The following ABCB10 variants were observed in gnomAD, a reference collection of about 807,000 sequenced individuals.
ABCB10 encodes the protein ATP binding cassette subfamily B member 10, also known as ATP-binding cassette sub-family B member 10, mitochondrial.
A neutral mutation model predicts 65.4 loss-of-function variants in ABCB10; 54 were observed. That is an observed-to-expected ratio of 0.83 (90% CI 0.66 to 1.04). The LOEUF is 1.04. Among genes scored for constraint, ABCB10 ranks in the 50% least tolerant of loss-of-function variants. ABCB10 has a pLI of 0.00. For synonymous variants in ABCB10, 418 were observed against 406.5 expected, an observed-to-expected ratio of 1.03 and a Z score of -0.34; for missense variants, 846 against 976.6, an observed-to-expected ratio of 0.87 and a Z score of 1.78.
At chr1:229,555,709 T>G (rs1392108632) in intron 1 of ABCB10, among the ~76,000 whole-genome samples, 2 of 152,254 alleles carry the variant, frequency 1.3e-5, no homozygotes, top group Non-Finnish European at 2.9e-5. Context: ...CAGCTCAGCT[T>G]TTTTAGTGTT....
Position 229,558,143 on chromosome 1 carries a change from C to T in ABCB10, c.510G>A (p.Arg170=). ...LLGLAYPERR[R]LAAAVGFLTM... ...GGCCGGGGAGGACCCTACCTGCCAG[C>T]CTCCGGCGCTCAGGGTACGCCAGCC... The change falls in exon 1 of 13, where the codon AGG becomes AGA. Residue 170 remains arginine (R), a synonymous_variant. Transcript: ENST00000344517. 7.1e-7 allele frequency: 1 copy of T among 1,410,646 alleles called. No individual in the cohort carries two copies. The highest frequency in any genetic ancestry group is 9.2e-7 in the Non-Finnish European group (1 of 1,085,826). 87.4% of individuals were successfully genotyped at this position (1,410,646 alleles called of 1,614,324 possible).
At chr1:229,532,577 C>A (rs1033214222) in intron 6 of ABCB10, among the ~76,000 whole-genome samples, 1 of 150,598 alleles carries the variant, frequency 6.6e-6, no homozygotes, top group African/African-American at 2.4e-5. Context: ...CAATGTAATG[C>A]TATGTTTAAA....
In ABCB10 at chr1:229,516,939, G is replaced by A. The variant is rs1430577984; in HGVS notation, c.*1240C>T. 1.3e-5 allele frequency: 2 copies of A among 152,016 alleles called. No homozygotes were observed. Among genetic ancestry groups the A allele is most frequent in the East Asian group, 3.8e-4 (2 of 5,200 alleles). The allele number at this position is 152,016 out of a possible 1,614,324, so 9.4% of individuals were successfully genotyped here. Reference sequence around the variant, plus strand: ...GGTTTCTTCTTCCAGTCTAATCAGGGAACTAATAAATGCTTAGTTCATGGG... The same window carrying A: ...GGTTTCTTCTTCCAGTCTAATCAGGAAACTAATAAATGCTTAGTTCATGGG... On this transcript the variant is annotated 3_prime_UTR_variant, in exon 13 of 13. Coordinates refer to ENST00000344517, the MANE Select transcript of ABCB10 (RefSeq NM_012089.3).
At chr1:229,525,179 G>C (rs1662410294) in intron 10 of ABCB10, among the ~76,000 whole-genome samples, 1 of 152,052 alleles carries the variant, frequency 6.6e-6, no homozygotes, top group Non-Finnish European at 1.5e-5. Context: ...TTACTGTCTG[G>C]CTCTTTAAAG....
chr1:229,517,617 GAC>G lies in ABCB10; in HGVS notation c.*560_*561del, dbSNP rs1434450266. 6.5e-6 allele frequency: 1 copy of G among 152,802 alleles called. No homozygotes were observed. Among genetic ancestry groups the G allele is most frequent in the African/African-American group, 2.4e-5 (1 of 41,448 alleles). The allele number at this position is 152,802 out of a possible 1,614,324, so 9.5% of individuals were successfully genotyped here. A position where few individuals can be genotyped will look rare whatever the true frequency, so the allele number is the denominator to read the frequency against. On this transcript the variant is annotated 3_prime_UTR_variant, in exon 13 of 13. Coordinates refer to ENST00000344517, the MANE Select transcript of ABCB10 (RefSeq NM_012089.3). ...ATTCCTCAGCTCTCACACCTTTGAA[GAC>G]ACAGGAGATGGGCAATATAAATGTT...
intron 6 of ABCB10, among the ~76,000 whole-genome samples, chr1:229,535,470 A>C (rs1662697385): frequency 6.6e-6 from 1 of 152,228 alleles, no homozygotes; most frequent in Admixed American, 6.5e-5. Context: ...GAAAAGAGCC[A>C]ATCAAATGCT....
At chr1:229,539,414 A>C (rs749004990) in intron 6 of ABCB10, 42 bp downstream of exon 6, 2 of 1,602,542 alleles carry the variant, frequency 1.2e-6, no homozygotes, top group Non-Finnish European at 8.5e-7. Context: ...TGATGCTCTG[A>C]TTTTTAATTT....
chr1:229,526,228 T>A, intron 9 of ABCB10, 112 bp from the exon 10 acceptor site: 1 of 1,131,176 alleles, frequency 8.8e-7, no homozygotes, highest in Non-Finnish European at 1.2e-6. Flanking sequence ...TGAACAGGAT[T>A]TTATCATCTG....
Position 229,542,225 on chromosome 1 carries a change from AG to A in ABCB10, c.1056+11del. The A allele has an allele frequency of 1.2e-6, 2 of 1,613,430 alleles. No homozygotes were observed. Among genetic ancestry groups the A allele is most frequent in the Non-Finnish European group, 1.7e-6 (2 of 1,179,758 alleles). ...TCTGCTGGAAACCACGCGGACAGGAAGGGGCCTTTACCTGAGTGGCTTGTGC... is the reference window on the plus strand; with the variant it reads ...TCTGCTGGAAACCACGCGGACAGGAAGGGCCTTTACCTGAGTGGCTTGTGC... On this transcript the variant is annotated intron_variant, in intron 4 of 12. Coordinates refer to ENST00000344517, the MANE Select transcript of ABCB10 (RefSeq NM_012089.3).
intron 7 of ABCB10, among the ~76,000 whole-genome samples, chr1:229,531,182 G>A (rs991027154): frequency 1.3e-5 from 2 of 152,130 alleles, no homozygotes; most frequent in Admixed American, 6.5e-5. Context: ...ATGAGTACCA[G>A]CCTCCCCTAC....
At chr1:229,533,173 G>C (rs894819135) in intron 6 of ABCB10, among the ~76,000 whole-genome samples, 3 of 151,832 alleles carry the variant, frequency 2.0e-5, no homozygotes, top group African/African-American at 7.3e-5. Flanking sequence ...ACGGAGTCTT[G>C]CTCTGCTGTG....
chr1:229,538,062 T>C (rs1022826355), intron 6 of ABCB10, among the ~76,000 whole-genome samples: 19 of 152,308 alleles, frequency 1.2e-4, no homozygotes, highest in Admixed American at 9.8e-4. Context: ...GGCTAGCCTG[T>C]GGTTAAGAAA....
chr1:229,547,293 T>G (rs1482087428), intron 3 of ABCB10, among the ~76,000 whole-genome samples: 2 of 152,202 alleles, frequency 1.3e-5, no homozygotes, highest in African/African-American at 4.8e-5. Flanking sequence ...TTCCAGATAA[T>G]CACTCATTCT....
Position 229,549,457 on chromosome 1 carries a change from A to G in ABCB10, c.518-23T>C, listed in dbSNP as rs142732534. On this transcript the variant is annotated intron_variant, in intron 1 of 12. Transcript: ENST00000344517. ...CAGCTAGAAAACACAAGCACTCTCA[A>G]TGTTCAGGTTGCTTCAGCAAAGGGG... The G allele has an allele frequency of 1.8e-3, 2,877 of 1,604,738 alleles. 27 individuals carry two copies. The highest frequency in any genetic ancestry group is 0.017 in the East Asian group (748 of 44,540).
chr1:229,525,859 CA>C, intron 10 of ABCB10, 76 bp downstream of exon 10: 1 of 1,508,072 alleles, frequency 6.6e-7, no homozygotes, highest in Non-Finnish European at 8.9e-7. Flanking sequence ...ACAAAACAAA[CA>C]AACAAAAAAA....
chr1:229,522,158 C>G (rs1662331015), intron 10 of ABCB10, among the ~76,000 whole-genome samples: 1 of 151,992 alleles, frequency 6.6e-6, no homozygotes. Flanking sequence ...AGTGCCCGGC[C>G]AATACCAGGC....
At chr1:229,528,887 T>C (rs939417083) in intron 8 of ABCB10, among the ~76,000 whole-genome samples, 2 of 152,148 alleles carry the variant, frequency 1.3e-5, no homozygotes, top group Non-Finnish European at 2.9e-5. Flanking sequence ...CTTGCTGACA[T>C]TGTTGTCTAC....
chr1:229,525,185 TAAA>T (rs1174968134), intron 10 of ABCB10, among the ~76,000 whole-genome samples: 5 of 152,186 alleles, frequency 3.3e-5, no homozygotes, highest in African/African-American at 9.6e-5. Flanking sequence ...TCTGGCTCTT[TAAA>T]GAAAAGTTTG....
intron 10 of ABCB10, among the ~76,000 whole-genome samples, chr1:229,523,786 G>A (rs1337789992): frequency 2.6e-5 from 4 of 152,180 alleles, no homozygotes. Context: ...GTCAAGGGAG[G>A]TGACGTGCTC....
Sources: allele counts gnomAD v4.1 joint callset (sites outside exome capture counted in the v4.1 genomes callset), GRCh38; gene constraint gnomAD v4.1.1; transcripts MANE v1.5; gene names NCBI Gene and HGNC (gene_info 2026-07-23, HGNC 2026-07-21).